The following UBAC2 variants were observed in gnomAD, a reference collection of about 807,000 sequenced individuals.
The protein encoded by UBAC2 is UBA domain containing 2.
In UBAC2, 26 loss-of-function variants were observed where a neutral mutation model predicts 44.0. The ratio of observed to expected loss-of-function variants is 0.59; its 90% confidence interval spans 0.43 to 0.82. The LOEUF (loss-of-function observed/expected upper bound fraction) is 0.82. Among genes scored for constraint, UBAC2 ranks in the 40% least tolerant of loss-of-function variants. The pLI, the probability that UBAC2 is intolerant of heterozygous loss-of-function variation, is 0.00. For missense variants in UBAC2, 329 were observed against 419.4 expected, an observed-to-expected ratio of 0.78 and a Z score of 1.88; for synonymous variants, 155 against 154.3, an observed-to-expected ratio of 1.00 and a Z score of -0.04.
Position 99,318,002 on chromosome 13 carries a change from C to CTTTTTTTTTTTTTTTTT in UBAC2, c.514-10_514-9insTTTTTTTTTTTTTTTTT. On this transcript the variant is annotated intron_variant, in intron 5 of 8. Transcript: ENST00000403766. ...GCAGTTGAATTTTATTTTTAGTTGC[C>CTTTTTTTTTTTTTTTTT]TTTTTTTTTTCTTTTATAGCTTTTC... The CTTTTTTTTTTTTTTTTT allele has an allele frequency of 7.1e-7, 1 of 1,412,126 alleles. No homozygotes were observed. Among genetic ancestry groups the CTTTTTTTTTTTTTTTTT allele is most frequent in the Non-Finnish European group, 9.6e-7 (1 of 1,036,286 alleles). The allele number at this position is 1,412,126 out of a possible 1,614,324, so 87.5% of individuals were successfully genotyped here.
chr13:99,354,043 C>T (rs904736753), intron 7 of UBAC2, among the ~76,000 whole-genome samples: 6 of 152,372 alleles, frequency 3.9e-5, no homozygotes, highest in South Asian at 2.1e-4. Flanking sequence ...TGTGTGCACA[C>T]GTGCAGTGCC....
chr13:99,286,555 G>A, intron 4 of UBAC2, among the ~76,000 whole-genome samples: 1 of 151,744 alleles, frequency 6.6e-6, no homozygotes, highest in Admixed American at 6.6e-5. Context: ...TATTACATGG[G>A]TAAATTGTGT....
intron 7 of UBAC2, among the ~76,000 whole-genome samples, chr13:99,351,090 C>T (rs982084405): frequency 6.6e-5 from 10 of 152,256 alleles, no homozygotes; most frequent in African/African-American, 2.4e-4. Flanking sequence ...GGGACTCAAT[C>T]CTGGGTTGAC....
intron 2 of UBAC2, 88 bp downstream of exon 2, chr13:99,238,642 C>T (rs1446887766): frequency 2.2e-5 from 25 of 1,147,446 alleles, no homozygotes; most frequent in Non-Finnish European, 2.8e-5. Flanking sequence ...TGCTGTTAGT[C>T]CCTCAAAGCC....
chr13:99,275,334 A>G (rs1170246828), intron 4 of UBAC2, among the ~76,000 whole-genome samples: 1 of 152,134 alleles, frequency 6.6e-6, no homozygotes, highest in African/African-American at 2.4e-5. Flanking sequence ...CAGCTATTAC[A>G]GCTTCCCCCA....
chr13:99,263,202 A>G (rs2043693219), intron 4 of UBAC2, among the ~76,000 whole-genome samples: 2 of 152,322 alleles, frequency 1.3e-5, no homozygotes, highest in East Asian at 3.9e-4. Context: ...ATAGCAAACA[A>G]TCTCCTGAGG....
intron 4 of UBAC2, chr13:99,255,302 G>A (rs955035338): frequency 3.7e-6 from 6 of 1,613,996 alleles, no homozygotes; most frequent in Admixed American, 3.3e-5. Context: ...AATGTCAGTC[G>A]AGTGAGGTTC....
intron 1 of UBAC2, chr13:99,201,297 C>G (rs1225298450): frequency 1.4e-6 from 2 of 1,466,406 alleles, no homozygotes; most frequent in Non-Finnish European, 9.0e-7. Context: ...AGGAAGGGGC[C>G]GTCCCCCTTA....
chr13:99,321,153 G>A (rs981538529), intron 6 of UBAC2, among the ~76,000 whole-genome samples: 21 of 152,116 alleles, frequency 1.4e-4, no homozygotes, highest in African/African-American at 5.1e-4. Flanking sequence ...TTAAGAAAAA[G>A]AGTATTTTTT....
intron 1 of UBAC2, among the ~76,000 whole-genome samples, chr13:99,237,271 T>TACACACACACACAC (rs57466771): frequency 8.8e-4 from 128 of 145,010 alleles, no homozygotes; most frequent in Admixed American, 2.4e-3. Context: ...TATATATATA[T>TACACACACACACAC]ACACACACAC....
At chr13:99,257,743 T>A (rs2043590682) in intron 4 of UBAC2, among the ~76,000 whole-genome samples, 1 of 152,214 alleles carries the variant, frequency 6.6e-6, no homozygotes, top group Admixed American at 6.5e-5. Flanking sequence ...AACAATGTAA[T>A]TGAAAACATG....
chr13:99,281,217 A>C (rs187769153), intron 4 of UBAC2, among the ~76,000 whole-genome samples: 80 of 152,146 alleles, frequency 5.3e-4, no homozygotes, highest in African/African-American at 6.3e-4. Context: ...CAAAACAAAA[A>C]AAAACAACAG....
intron 6 of UBAC2, among the ~76,000 whole-genome samples, chr13:99,328,240 T>A (rs1382081117): frequency 6.6e-6 from 1 of 152,262 alleles, no homozygotes; most frequent in Admixed American, 6.5e-5. Context: ...CACCATACTT[T>A]GTTTATCCAT....
At chr13:99,348,847 CA>C (rs1211705147) in intron 7 of UBAC2, among the ~76,000 whole-genome samples, 1 of 152,132 alleles carries the variant, frequency 6.6e-6, no homozygotes, top group Non-Finnish European at 1.5e-5. Context: ...CTCTTCTCTA[CA>C]AAAAAATTTT....
At chr13:99,227,697 C>T (rs1485164587) in intron 1 of UBAC2, among the ~76,000 whole-genome samples, 1 of 152,202 alleles carries the variant, frequency 6.6e-6, no homozygotes, top group Non-Finnish European at 1.5e-5. Flanking sequence ...GTCCTGTCTA[C>T]ACTCCAAACC....
intron 8 of UBAC2, among the ~76,000 whole-genome samples, chr13:99,375,868 A>T (rs559132194): frequency 1.6e-5 from 2 of 122,896 alleles, no homozygotes; most frequent in Admixed American, 2.3e-4. Context: ...CAGTGGTGCT[A>T]TCATGGCTCA....
chr13:99,257,805 T>C (rs1163094233), intron 4 of UBAC2, among the ~76,000 whole-genome samples: 1 of 152,204 alleles, frequency 6.6e-6, no homozygotes, highest in African/African-American at 2.4e-5. Context: ...TTTTCTTTCC[T>C]TAAGTTGAAA....
intron 6 of UBAC2, among the ~76,000 whole-genome samples, chr13:99,337,054 T>G (rs1655756594): frequency 6.6e-6 from 1 of 152,156 alleles, no homozygotes; most frequent in Non-Finnish European, 1.5e-5. Context: ...GTGTGTGGTT[T>G]AGGTTCATTC....
intron 4 of UBAC2, among the ~76,000 whole-genome samples, chr13:99,263,758 A>G (rs1167493228): frequency 6.6e-6 from 1 of 152,224 alleles, no homozygotes; most frequent in East Asian, 1.9e-4. Flanking sequence ...TATAGCATGA[A>G]TAAGTCACTT....
Sources: gnomAD v4.1 joint callset for allele counts (sites outside exome capture counted in the v4.1 genomes callset) on GRCh38, gnomAD v4.1.1 for gene constraint, MANE v1.5 for transcripts, NCBI Gene and HGNC (gene_info 2026-07-23, HGNC 2026-07-21) for gene names.